Variants in TNNT2 observed in about 807,000 individuals in gnomAD.
TNNT2 encodes the protein troponin T, cardiac muscle.
In TNNT2, 34 loss-of-function variants were observed where a neutral mutation model predicts 62.4. The observed-to-expected ratio is 0.54, with a 90% CI of 0.41 to 0.72. TNNT2 has a LOEUF of 0.72. Among genes scored for constraint, TNNT2 ranks in the 30% least tolerant of loss-of-function variants. The probability of loss-of-function intolerance (pLI) is 0.00; values close to 1 mark genes in which losing one functional copy is unlikely to be tolerated. For missense variants in TNNT2, 275 were observed against 381.9 expected, an observed-to-expected ratio of 0.72 and a Z score of 2.33; for synonymous variants, 123 against 127.2, an observed-to-expected ratio of 0.97 and a Z score of 0.22.
In TNNT2 at chr1:201,361,973, T is replaced by A. The variant is rs190805300; in HGVS notation, c.659A>T (p.Lys220Met). Residue 220 changes from lysine to methionine, a missense_variant, in exon 14 of 17, where the codon AAG (lysine) becomes ATG (methionine). Coordinates refer to ENST00000656932, the MANE Select transcript of TNNT2 (RefSeq NM_001276345.2). ...KRQTEREKKKKILAERRKVLA... is the reference protein window; with the variant it reads ...KRQTEREKKKMILAERRKVLA... ...CACCTTCCTCCTCTCAGCCAGAATC[T>A]TCTTCTTCTTTTCCCGCTCAGTCTG... The A allele has an allele frequency of 1.1e-5, 17 of 1,614,016 alleles. No individual in the cohort carries two copies. Among genetic ancestry groups the A allele is most frequent in the Admixed American group, 8.3e-5 (5 of 60,028 alleles).
chr1:201,375,471 T>A (rs1661258234), intron 1 of TNNT2: 1 of 151,406 alleles, frequency 6.6e-6, no homozygotes, highest in African/African-American at 2.4e-5. Flanking sequence ...CAGGGTGGGG[T>A]GAGTGGGTGA....
At chr1:201,362,528 C>T (rs1028348607) in intron 12 of TNNT2, 134 bp from the exon 13 acceptor site, 12 of 1,188,292 alleles carry the variant, frequency 1.0e-5, no homozygotes, top group South Asian at 1.4e-5. Context: ...TGTAGTCAGC[C>T]GGGTTTACTA....
intron 8 of TNNT2, 112 bp downstream of exon 8, chr1:201,366,726 G>A: frequency 3.1e-6 from 5 of 1,605,626 alleles, no homozygotes; most frequent in Non-Finnish European, 4.2e-6. Context: ...GGTGCTCTGT[G>A]CCCACCAAAC....
Position 201,359,103 on chromosome 1 carries a change from C to A in TNNT2, c.*107G>T. ...TCCCACCTAGGCCAGCTCCCCATTT[C>A]CAAACAGGAGCTGCCTGGGGTGCCC... On this transcript the variant is annotated 3_prime_UTR_variant, in exon 17 of 17. Coordinates refer to ENST00000656932, the MANE Select transcript of TNNT2 (RefSeq NM_001276345.2). The A allele has an allele frequency of 6.9e-7, 1 of 1,458,510 alleles. No homozygotes were observed. Among genetic ancestry groups the A allele is most frequent in the Non-Finnish European group, 9.4e-7 (1 of 1,062,836 alleles). The allele number at this position is 1,458,510 out of a possible 1,614,324, so 90.3% of individuals were successfully genotyped here. A position where few individuals can be genotyped will look rare whatever the true frequency, so the allele number is the denominator to read the frequency against.
At chr1:201,363,224 T>A in intron 12 of TNNT2, 72 bp downstream of exon 12, 1 of 1,611,964 alleles carries the variant, frequency 6.2e-7, no homozygotes, top group Non-Finnish European at 8.5e-7. Context: ...AAAGTCTACC[T>A]GCTGCAGTGG....
chr1:201,377,565 C>A, intron 1 of TNNT2, 58 bp downstream of exon 1: 1 of 456,324 alleles, frequency 2.2e-6, no homozygotes, highest in South Asian at 1.5e-5. Flanking sequence ...CCAAGACCCT[C>A]ACATCTCCCC....
At chr1:201,364,414 G>A in intron 10 of TNNT2, 39 bp from the exon 11 acceptor site, 3 of 1,602,478 alleles carry the variant, frequency 1.9e-6, no homozygotes, top group Non-Finnish European at 2.6e-6. Flanking sequence ...GTGTGCATAG[G>A]GAGAAGGTGA....
At chr1:201,372,751 AC>A (rs1334679553) in intron 2 of TNNT2, among the ~76,000 whole-genome samples, 1 of 151,954 alleles carries the variant, frequency 6.6e-6, no homozygotes, top group Admixed American at 6.6e-5. Context: ...GCTGTGTCCC[AC>A]CCCCTGGTTT....
At chr1:201,363,192 A>C (rs2102243548) in intron 12 of TNNT2, 104 bp downstream of exon 12, 5 of 1,596,702 alleles carry the variant, frequency 3.1e-6, no homozygotes, top group Non-Finnish European at 4.3e-6. Flanking sequence ...GCAGCTGGGA[A>C]TCTCTTCCTG....
chr1:201,369,926 G>C, intron 4 of TNNT2, 81 bp from the exon 5 acceptor site: 1 of 1,506,336 alleles, frequency 6.6e-7, no homozygotes, highest in Non-Finnish European at 9.2e-7. Context: ...GGCAGGAGCA[G>C]CCACCCAGCG....
chr1:201,359,616 C>G lies in TNNT2; in HGVS notation c.851+7G>C. ...AGGGCTAGGCGAGAATGACCTCAGA[C>G]ACTTACACTTTCTGGTTATCGTTGA... On this transcript the variant is annotated splice_region_variant and intron_variant, in intron 16 of 16. Coordinates refer to ENST00000656932, the MANE Select transcript of TNNT2 (RefSeq NM_001276345.2). 1 of 1,599,286 alleles carries G rather than the reference C, an allele frequency of 6.3e-7. No homozygotes were observed. Among genetic ancestry groups the G allele is most frequent in the Non-Finnish European group, 8.5e-7 (1 of 1,171,422 alleles).
chr1:201,368,346 A>T, intron 5 of TNNT2, 119 bp from the exon 6 acceptor site: 2 of 1,084,218 alleles, frequency 1.8e-6, no homozygotes, highest in Non-Finnish European at 2.7e-6. Flanking sequence ...CTAGGTCCAG[A>T]TGAATTTGGG....
chr1:201,365,530 A>G (rs1369319863), intron 9 of TNNT2, 80 bp downstream of exon 9: 3 of 1,510,502 alleles, frequency 2.0e-6, no homozygotes, highest in Admixed American at 3.4e-5. Context: ...ACCCCAGCCC[A>G]AGGTCACAAA....
At chr1:201,363,477 T>C in intron 11 of TNNT2, 71 bp from the exon 12 acceptor site, 1 of 1,457,304 alleles carries the variant, frequency 6.9e-7, no homozygotes, top group Non-Finnish European at 9.6e-7. Flanking sequence ...GGGCTGAAGC[T>C]TGTGGTCTTT....
At chr1:201,361,194 G>A (rs975054165) in intron 15 of TNNT2, 85 bp downstream of exon 15, 11 of 1,323,284 alleles carry the variant, frequency 8.3e-6, no homozygotes, top group Non-Finnish European at 9.8e-6. Flanking sequence ...CAGGGACCCA[G>A]GGACCTGCAG....
In TNNT2 at chr1:201,361,325, G is replaced by A. The variant is rs369181536; in HGVS notation, c.764C>T (p.Ala255Val). 2.5e-6 allele frequency: 4 copies of A among 1,614,144 alleles called. No homozygotes were observed. The highest frequency in any genetic ancestry group is 3.4e-6 in the Non-Finnish European group (4 of 1,179,996). ...CTTCTCCTGCAGGTCGAACTTCTCTGCCTCCAAGTTATAGATGCTCTGCCA... is the reference window on the plus strand; with the variant it reads ...CTTCTCCTGCAGGTCGAACTTCTCTACCTCCAAGTTATAGATGCTCTGCCA... ...ELWQSIYNLEAEKFDLQEKFK... is the reference protein window; with the variant it reads ...ELWQSIYNLEVEKFDLQEKFK... The change falls in exon 15 of 17, where the codon GCA becomes GTA. Residue 255 changes from alanine (A) to valine (V), a missense_variant. Ala to Val is a moderately conservative substitution (Grantham distance 64). Coordinates refer to ENST00000656932, the MANE Select transcript of TNNT2 (RefSeq NM_001276345.2).
intron 4 of TNNT2, among the ~76,000 whole-genome samples, chr1:201,371,546 G>T (rs780553119): frequency 2.0e-5 from 3 of 152,082 alleles, no homozygotes; most frequent in Non-Finnish European, 4.4e-5. Context: ...TTAGAGATAC[G>T]GTGTAGCGAA....
At chr1:201,366,641 G>C (rs1659714080) in intron 8 of TNNT2, 197 bp downstream of exon 8, 6 of 1,473,664 alleles carry the variant, frequency 4.1e-6, no homozygotes, top group Non-Finnish European at 5.4e-6. Flanking sequence ...ATGGAGTGTT[G>C]GGTGGAATTC....
intron 9 of TNNT2, 133 bp downstream of exon 9, chr1:201,365,477 C>T: frequency 8.2e-7 from 1 of 1,222,732 alleles, no homozygotes; most frequent in Non-Finnish European, 1.2e-6. Context: ...CATGGATGGG[C>T]ACCCAGCCTG....
Sources: allele counts gnomAD v4.1 joint callset (sites outside exome capture counted in the v4.1 genomes callset), GRCh38; gene constraint gnomAD v4.1.1; transcripts MANE v1.5; gene names NCBI Gene and HGNC (gene_info 2026-07-23, HGNC 2026-07-21).